The following RAP1GAP2 variants were observed in gnomAD, a reference collection of about 807,000 sequenced individuals.
RAP1GAP2 encodes RAP1 GTPase activating protein 2, also known as rap1 GTPase-activating protein 2.
In RAP1GAP2, 27 loss-of-function variants were observed where a neutral mutation model predicts 95.0. The ratio of observed to expected loss-of-function variants is 0.28; its 90% CI spans 0.21 to 0.39. RAP1GAP2 has a LOEUF of 0.39. RAP1GAP2 is among the 10% of genes least tolerant of loss of function. RAP1GAP2 has a pLI of 1.00. For missense variants in RAP1GAP2, 771 were observed against 970.0 expected (o/e 0.79, Z 2.72); for synonymous variants, 373 against 380.9 (o/e 0.98, Z 0.24).
intron 2 of RAP1GAP2, among the ~76,000 whole-genome samples, chr17:2,838,016 C>CTTTTTTTT (rs71153304): frequency 3.2e-5 from 3 of 94,440 alleles, no homozygotes; most frequent in African/African-American, 4.4e-5. Flanking sequence ...TTCTTTTTTC[C>CTTTTTTTT]TTTTTTTTTT....
Position 2,866,952 on chromosome 17 carries a change from G to A in RAP1GAP2, c.81-38332G>A, listed in dbSNP as rs951084720. On this transcript the variant is annotated intron_variant, in intron 2 of 24. Coordinates refer to ENST00000254695, the MANE Select transcript of RAP1GAP2 (RefSeq NM_015085.5). The surrounding 1 kb of genome is among the most constrained non-coding windows in gnomAD (Gnocchi z 4.0). ...GTCTCACTCTGTCACCCAGGCTGGA[G>A]TGCAGTGGTACAATCTCGGCTCACT... Among the ~76,000 whole-genome samples, 1 of 151,908 alleles carries A rather than the reference G, an allele frequency of 6.6e-6. No individual in the cohort carries two copies. Among genetic ancestry groups the A allele is most frequent in the Admixed American group, 6.6e-5 (1 of 15,212 alleles).
intron 2 of RAP1GAP2, among the ~76,000 whole-genome samples, chr17:2,878,751 C>T (rs2073180774): frequency 6.6e-6 from 1 of 152,224 alleles, no homozygotes; most frequent in African/African-American, 2.4e-5. Flanking sequence ...GTGGGCCTGT[C>T]CGGAAGCATT....
At chr17:2,949,723 C>G (rs1286769425) in intron 3 of RAP1GAP2, among the ~76,000 whole-genome samples, 11 of 152,192 alleles carry the variant, frequency 7.2e-5, no homozygotes, top group Non-Finnish European at 1.6e-4. Flanking sequence ...TGTATGCAGC[C>G]ATCTCAGGGT....
Position 2,965,418 on chromosome 17 carries a change from T to A in RAP1GAP2, c.493-122T>A, listed in dbSNP as rs2044547836. ...CCTGTTAATGTCGTTGTCATTGTCATCAGTAGCATCCTTCTCTTCCTTGTT... is the reference window on the plus strand; with the variant it reads ...CCTGTTAATGTCGTTGTCATTGTCAACAGTAGCATCCTTCTCTTCCTTGTT... On this transcript the variant is annotated intron_variant, in intron 7 of 24. Transcript: ENST00000254695. The surrounding 1 kb of genome is among the most constrained non-coding windows in gnomAD (Gnocchi z 4.7). 3 of 740,884 alleles carry A rather than the reference T, an allele frequency of 4.0e-6. No individual in the cohort carries two copies. Among genetic ancestry groups the A allele is most frequent in the Non-Finnish European group, 6.7e-6 (3 of 446,130 alleles). 45.9% of individuals were successfully genotyped at this position (740,884 alleles called of 1,614,324 possible).
chr17:2,859,592 C>T (rs931428561), intron 2 of RAP1GAP2, among the ~76,000 whole-genome samples: 17 of 151,982 alleles, frequency 1.1e-4, no homozygotes, highest in African/African-American at 3.6e-4. Flanking sequence ...TCCGTCACAA[C>T]ACCCAGCTAA....
chr17:2,991,158 C>A, intron 11 of RAP1GAP2, 139 bp from the exon 12 acceptor site: 1 of 697,900 alleles, frequency 1.4e-6, no homozygotes, highest in Non-Finnish European at 2.5e-6. Flanking sequence ...CCCAGTCCCA[C>A]TGAGGGCAGC....
chr17:2,953,605 G>A (rs1430915281), intron 3 of RAP1GAP2, among the ~76,000 whole-genome samples: 1 of 152,132 alleles, frequency 6.6e-6, no homozygotes, highest in Admixed American at 6.6e-5. Flanking sequence ...CCAGCACTTC[G>A]GGAGGCCAAG....
chr17:2,768,801 C>T (rs576396208), intron 1 of RAP1GAP2, among the ~76,000 whole-genome samples: 11 of 152,080 alleles, frequency 7.2e-5, no homozygotes, highest in East Asian at 1.9e-4. Flanking sequence ...TCACTGTGCC[C>T]GGCCCAGCTT....
intron 2 of RAP1GAP2, among the ~76,000 whole-genome samples, chr17:2,901,730 C>T (rs1199487255): frequency 2.0e-5 from 3 of 152,140 alleles, no homozygotes; most frequent in African/African-American, 7.2e-5. Context: ...CGTCACTTAA[C>T]TCTATCTTAT....
intron 16 of RAP1GAP2, among the ~76,000 whole-genome samples, chr17:3,006,286 G>A (rs1287593484): frequency 3.3e-5 from 5 of 151,380 alleles, no homozygotes; most frequent in Admixed American, 6.6e-5. Context: ...GCGCCACCAC[G>A]CCCAGCTAAT....
chr17:3,026,318 C>T (rs2047115479), intron 20 of RAP1GAP2, 32 bp from the exon 21 acceptor site: 1 of 1,521,498 alleles, frequency 6.6e-7, no homozygotes, highest in Admixed American at 2.0e-5. Context: ...TCGCGTGTGA[C>T]CCGGGCTGGC....
chr17:2,800,105 T>G, intron 1 of RAP1GAP2: 12 of 766,596 alleles, frequency 1.6e-5, no homozygotes, highest in South Asian at 5.9e-5. Flanking sequence ...CACCTGGCAT[T>G]CAGATTGACA....
intron 1 of RAP1GAP2, among the ~76,000 whole-genome samples, chr17:2,769,326 C>T (rs1273220114): frequency 3.4e-4 from 46 of 135,796 alleles, no homozygotes; most frequent in African/African-American, 1.2e-3. Context: ...GAGGCCGAGG[C>T]GGGCGGATCA....
At chr17:2,798,933 C>T (rs1001325306) in intron 1 of RAP1GAP2, among the ~76,000 whole-genome samples, 2 of 152,212 alleles carry the variant, frequency 1.3e-5, no homozygotes, top group Non-Finnish European at 2.9e-5. Context: ...CCGGTTCCAG[C>T]GGTTCCAGCG....
chr17:2,873,027 C>G (rs1021060793), intron 2 of RAP1GAP2, among the ~76,000 whole-genome samples: 6 of 150,956 alleles, frequency 4.0e-5, no homozygotes, highest in African/African-American at 1.5e-4. Context: ...CGCTTGAACC[C>G]GAGGGGCGGA....
intron 2 of RAP1GAP2, among the ~76,000 whole-genome samples, chr17:2,900,396 A>T (rs1451435416): frequency 6.6e-6 from 1 of 152,068 alleles, no homozygotes; most frequent in Non-Finnish European, 1.5e-5. Context: ...GTCTACATTG[A>T]TATAGAACTT....
chr17:3,010,336 C>CAA lies in RAP1GAP2; in HGVS notation c.1494+2214_1494+2215dup, dbSNP rs1179623628. On this transcript the variant is annotated intron_variant, in intron 17 of 24. Transcript: ENST00000254695. The stretch of plus-strand genomic sequence containing the variant: ...GCCTGGAGACAGGGCGAGACTGTCT[C>CAA]AAAAAAAAAAAAAAAAAAAAAAAAG... Among the ~76,000 whole-genome samples, 309 of 69,990 alleles carry CAA rather than the reference C, an allele frequency of 4.4e-3. 5 individuals carry two copies. Among genetic ancestry groups the CAA allele is most frequent in the South Asian group, 0.012 (24 of 1,990 alleles). The allele number at this position is 69,990 out of a possible 152,430, so 45.9% of individuals were successfully genotyped here.
intron 2 of RAP1GAP2, among the ~76,000 whole-genome samples, chr17:2,835,935 T>C (rs1002035668): frequency 6.6e-6 from 1 of 152,198 alleles, no homozygotes; most frequent in African/African-American, 2.4e-5. Flanking sequence ...GGGCCAGATT[T>C]GTGCCAGCCC....
At chr17:2,880,226 G>A (rs1240035898) in intron 2 of RAP1GAP2, among the ~76,000 whole-genome samples, 2 of 151,850 alleles carry the variant, frequency 1.3e-5, no homozygotes, top group Non-Finnish European at 2.9e-5. Context: ...TGAGAGAAGG[G>A]TCTAGACAGA....
Sources: allele counts gnomAD v4.1 joint callset (sites outside exome capture counted in the v4.1 genomes callset), GRCh38; gene constraint gnomAD v4.1.1; non-coding constraint Gnocchi (gnomAD v3.1); transcripts MANE v1.5; gene names NCBI Gene and HGNC (gene_info 2026-07-23, HGNC 2026-07-21).